Variants in KRABD1 observed in about 807,000 individuals in gnomAD.
KRABD1 encodes the protein KRAB domain-containing protein 1.
At chr3:42,937,139 G>A in the KRABD1 span, 1 of 152,102 alleles carries the variant, frequency 6.6e-6, no homozygotes, top group African/African-American at 2.4e-5. Context: ...TCTTAACATT[G>A]TTCATTATAT....
the KRABD1 span, chr3:42,936,487 C>T: frequency 1.3e-5 from 2 of 152,410 alleles, no homozygotes; most frequent in East Asian, 3.9e-4. Flanking sequence ...GGGAAACAGC[C>T]CCGAGGGAGG....
chr3:42,939,856 T>C, the KRABD1 span, among the ~76,000 whole-genome samples: 2 of 152,190 alleles, frequency 1.3e-5, no homozygotes, highest in African/African-American at 4.8e-5. Flanking sequence ...TTTCGTATTT[T>C]TTATTACACT....
At chr3:42,941,300 G>A in the KRABD1 span, 1 of 1,599,674 alleles carries the variant, frequency 6.3e-7, no homozygotes, top group South Asian at 1.1e-5. Context: ...CTGCCGAGAG[G>A]GCCTTGTACA....
chr3:42,938,890 G>A, the KRABD1 span: 1 of 1,531,596 alleles, frequency 6.5e-7, no homozygotes, highest in Admixed American at 2.0e-5. Flanking sequence ...GAATAAAAGA[G>A]GTCAGATGAT....
chr3:42,941,889 G>T, the KRABD1 span: 1 of 950,002 alleles, frequency 1.1e-6, no homozygotes, highest in Non-Finnish European at 1.6e-6. Context: ...TGTTCTTGTA[G>T]CCACAGGCTT....
At chr3:42,936,810 A>G in the KRABD1 span, 1 of 152,126 alleles carries the variant, frequency 6.6e-6, no homozygotes, top group African/African-American at 2.4e-5. Flanking sequence ...CCTACCCCTC[A>G]GCTTGTCAGT....
At chr3:42,940,842 A>G in the KRABD1 span, among the ~76,000 whole-genome samples, 548 of 152,342 alleles carry the variant, frequency 3.6e-3, 5 homozygotes, top group African/African-American at 0.013. Flanking sequence ...TCACTGGGAT[A>G]TATACAAATT....
chr3:42,940,688 T>G, the KRABD1 span, among the ~76,000 whole-genome samples: 4 of 152,190 alleles, frequency 2.6e-5, no homozygotes, highest in Non-Finnish European at 5.9e-5. Flanking sequence ...TCACTACCTC[T>G]GCATGAAGAC....
the KRABD1 span, chr3:42,942,111 T>G: frequency 7.5e-7 from 1 of 1,328,320 alleles, no homozygotes. Context: ...CTTTGTCTCT[T>G]CCTTTGCCTT....
chr3:42,936,565 A>AGGCTC, the KRABD1 span: 3 of 152,276 alleles, frequency 2.0e-5, no homozygotes, highest in Non-Finnish European at 4.4e-5. Flanking sequence ...TAGCGTCGAG[A>AGGCTC]TGCGGCGCTG....
At chr3:42,940,725 G>C in the KRABD1 span, among the ~76,000 whole-genome samples, 1 of 152,200 alleles carries the variant, frequency 6.6e-6, no homozygotes, top group African/African-American at 2.4e-5. Flanking sequence ...TTCATTGACT[G>C]ATCAGAGAGC....
At chr3:42,941,207 T>A in the KRABD1 span, 1 of 1,542,028 alleles carries the variant, frequency 6.5e-7, no homozygotes, top group Middle Eastern at 1.7e-4. Context: ...TCTGGGAAAG[T>A]AGGAACTTGT....
At chr3:42,936,752 C>T in the KRABD1 span, 1 of 152,220 alleles carries the variant, frequency 6.6e-6, no homozygotes, top group Non-Finnish European at 1.5e-5. Flanking sequence ...ACATGCCCCT[C>T]GGTCGCTCCA....
the KRABD1 span, among the ~76,000 whole-genome samples, chr3:42,939,106 CAA>C: frequency 6.6e-6 from 1 of 152,074 alleles, no homozygotes; most frequent in African/African-American, 2.4e-5. Context: ...TTACACAACA[CAA>C]GTCTTAACAG....
the KRABD1 span, chr3:42,942,137 A>G: frequency 8.9e-7 from 1 of 1,119,610 alleles, no homozygotes; most frequent in East Asian, 2.6e-5. Flanking sequence ...CATCAAAATG[A>G]AAGGTGTGTG....
At chr3:42,942,735 G>A in the KRABD1 span, 1 of 433,620 alleles carries the variant, frequency 2.3e-6, no homozygotes. Flanking sequence ...TTCTTTTTCT[G>A]TAGACTGGTA....
chr3:42,938,014 AGGTGTTG>A, the KRABD1 span: 73 of 152,312 alleles, frequency 4.8e-4, no homozygotes, highest in African/African-American at 1.7e-3. Context: ...TTTGTATTTC[AGGTGTTG>A]TCTTTAATGC....
chr3:42,940,203 TG>T, the KRABD1 span, among the ~76,000 whole-genome samples: 2 of 152,338 alleles, frequency 1.3e-5, no homozygotes, highest in Admixed American at 1.3e-4. Flanking sequence ...CATATCCAAT[TG>T]ATTCAGGATT....
chr3:42,936,386 G>C, the KRABD1 span: 2 of 152,314 alleles, frequency 1.3e-5, no homozygotes, highest in Non-Finnish European at 2.9e-5. Flanking sequence ...GTTTTGGTTT[G>C]TGAGGATCGG....
Sources: gnomAD v4.1 joint callset for allele counts (sites outside exome capture counted in the v4.1 genomes callset) on GRCh38, gnomAD v4.1.1 for gene constraint, MANE v1.5 for transcripts, NCBI Gene and HGNC (gene_info 2026-07-23, HGNC 2026-07-21) for gene names.